SWI5: variants seen among roughly 807,000 people sequenced by gnomAD.
SWI5 encodes SWI5 homologous recombination repair protein.
A neutral mutation model predicts 17.0 loss-of-function variants in SWI5; 12 were observed. That is an observed-to-expected ratio of 0.71 (90% CI 0.45 to 1.14). The LOEUF (loss-of-function observed/expected upper bound fraction) is 1.14. SWI5 is among the 50% of genes most tolerant of loss of function. The probability of loss-of-function intolerance (pLI) is 0.00; values close to 1 mark genes in which losing one functional copy is unlikely to be tolerated. For synonymous variants in SWI5, 61 were observed against 64.0 expected, an observed-to-expected ratio of 0.95 and a Z score of 0.22; for missense variants, 158 against 162.2, an observed-to-expected ratio of 0.97 and a Z score of 0.14.
At chr9:128,276,169 C>A, upstream of SWI5, 1 of 1,577,694 alleles carries the variant, frequency 6.3e-7, no homozygotes, top group Admixed American at 1.9e-5. Flanking sequence ...GCCAGAGGGA[C>A]CTGTGGCGTC....
intron 2 of SWI5, among the ~76,000 whole-genome samples, chr9:128,279,621 C>A (rs1831501782): frequency 6.6e-6 from 1 of 152,214 alleles, no homozygotes; most frequent in Admixed American, 6.5e-5. Flanking sequence ...CTACTATGAA[C>A]TTCAAAGAGA....
At chr9:128,276,306 C>A (rs978957695) in exon 1 of SWI5, 2 of 1,612,902 alleles carry the variant, frequency 1.2e-6, no homozygotes, top group Non-Finnish European at 1.7e-6. Context: ...GTTCCTGGCC[C>A]GGTGCACCTG....
At chr9:128,284,563 C>T (rs1258297031) in exon 3 of SWI5, 3 of 1,613,966 alleles carry the variant, frequency 1.9e-6, no homozygotes. Flanking sequence ...AGTCTCTGCA[C>T]CTTGACATTC....
chr9:128,275,729 T>A (rs1000666890), upstream of SWI5, among the ~76,000 whole-genome samples: 1 of 150,932 alleles, frequency 6.6e-6, no homozygotes, highest in Non-Finnish European at 1.5e-5. Flanking sequence ...GCTGGGCGGC[T>A]GAGGGGGCGG....
intron 4 of SWI5, among the ~76,000 whole-genome samples, chr9:128,287,983 T>C (rs891654563): frequency 6.6e-6 from 1 of 152,160 alleles, no homozygotes; most frequent in African/African-American, 2.4e-5. Flanking sequence ...TGTGGTTTGT[T>C]TTCCTGTTAG....
At chr9:128,279,913 C>T (rs1194745959) in intron 2 of SWI5, among the ~76,000 whole-genome samples, 1 of 152,146 alleles carries the variant, frequency 6.6e-6, no homozygotes, top group African/African-American at 2.4e-5. Context: ...AGAGGGCTCA[C>T]CTCTTGCCTT....
chr9:128,279,655 A>C (rs2416980), intron 2 of SWI5, among the ~76,000 whole-genome samples: 1 of 152,070 alleles, frequency 6.6e-6, no homozygotes, highest in Non-Finnish European at 1.5e-5. Flanking sequence ...GAAGGAACAT[A>C]AAAGTGGACA....
chr9:128,283,070 T>G (rs1473419072), intron 2 of SWI5, among the ~76,000 whole-genome samples: 11 of 151,006 alleles, frequency 7.3e-5, no homozygotes, highest in Admixed American at 7.2e-4. Flanking sequence ...ATCCCAGCAC[T>G]TTGGGAGGCC....
In SWI5 at chr9:128,276,364, C is replaced by T. The variant is rs73672486; in HGVS notation, c.24C>T (p.Asn8=). The T allele has an allele frequency of 1.9e-6, 3 of 1,613,112 alleles. No homozygotes were observed. The South Asian group carries it at 3.3e-5, about 18-fold the overall frequency. ...CGCTGGACCCTCTTGCGCCATTGAA[C>T]CCCCTGATCCGGGGGCCTCGGACCC... Residue 8 remains asparagine, a synonymous_variant, in exon 1 of 5, where the codon AAC becomes AAT. Transcript: ENST00000418976.
rs745802668 is a variant in SWI5, at chr9:128,285,959, T to C, written c.254T>C (p.Leu85Pro). 1 of 1,614,088 alleles carries C rather than the reference T, an allele frequency of 6.2e-7. No homozygotes were observed. Among genetic ancestry groups the C allele is most frequent in the Non-Finnish European group, 8.5e-7 (1 of 1,179,922 alleles). The change falls in exon 4 of 5, where the codon CTG (leucine) becomes CCG (proline). Residue 85 changes from leucine (L) to proline (P), a missense_variant. Transcript: ENST00000418976. This position sits in a 1 kb window ranked among gnomAD's most constrained non-coding sequence, Gnocchi z 4.8. ...CCCAGAGGCTACAGTGTGGATGAACTGGAGGACCACATTACCCAGCTTCAC... is the reference window on the plus strand; with the variant it reads ...CCCAGAGGCTACAGTGTGGATGAACCGGAGGACCACATTACCCAGCTTCAC...
At chr9:128,277,388 C>T (rs1243761156) in intron 2 of SWI5, among the ~76,000 whole-genome samples, 1 of 152,086 alleles carries the variant, frequency 6.6e-6, no homozygotes, top group Admixed American at 6.6e-5. Flanking sequence ...CCTGTCTCTA[C>T]TAAAAATACA....
chr9:128,284,008 T>TG (rs1831588165), intron 2 of SWI5, among the ~76,000 whole-genome samples: 2 of 150,108 alleles, frequency 1.3e-5, no homozygotes, highest in African/African-American at 4.9e-5. Flanking sequence ...AAAAATGTTG[T>TG]GGGGTGGGGC....
At chr9:128,276,299 C>G (rs1564371474) in exon 1 of SWI5, 2 of 1,612,886 alleles carry the variant, frequency 1.2e-6, no homozygotes, top group East Asian at 4.5e-5. Flanking sequence ...GGTCAGAGTT[C>G]CTGGCCCGGT....
intron 2 of SWI5, among the ~76,000 whole-genome samples, chr9:128,281,343 CT>C (rs1254229111): frequency 1.3e-5 from 2 of 151,780 alleles, no homozygotes; most frequent in East Asian, 3.9e-4. Flanking sequence ...GCCAACCATG[CT>C]TTTTTTTCAT....
chr9:128,280,990 G>GAAAA (rs1209973888), intron 2 of SWI5, among the ~76,000 whole-genome samples: 2 of 141,688 alleles, frequency 1.4e-5, no homozygotes, highest in African/African-American at 2.7e-5. Flanking sequence ...TAATGACCAG[G>GAAAA]AAAAAAAGGC....
intron 2 of SWI5, among the ~76,000 whole-genome samples, chr9:128,283,878 T>C (rs1386593982): frequency 5.3e-5 from 8 of 150,938 alleles, no homozygotes; most frequent in Admixed American, 5.3e-4. Flanking sequence ...AATCCAAACA[T>C]TGTTGGAGAC....
upstream of SWI5, chr9:128,275,802 T>TGACAG: frequency 1.4e-6 from 1 of 698,006 alleles, no homozygotes; most frequent in Admixed American, 3.3e-5. Context: ...CAGCCCGGTG[T>TGACAG]GCCTCAGGAG....
At chr9:128,279,325 T>G (rs1349589598) in intron 2 of SWI5, among the ~76,000 whole-genome samples, 1 of 152,108 alleles carries the variant, frequency 6.6e-6, no homozygotes, top group Non-Finnish European at 1.5e-5. Flanking sequence ...AGAAAACCGC[T>G]GGGCCCAGGG....
At chr9:128,280,708 G>A (rs561705882) in intron 2 of SWI5, among the ~76,000 whole-genome samples, 10 of 152,008 alleles carry the variant, frequency 6.6e-5, no homozygotes, top group South Asian at 2.1e-4. Context: ...TAGTAGAGAC[G>A]GGGTTTCACC....
Sources: allele counts gnomAD v4.1 joint callset (sites outside exome capture counted in the v4.1 genomes callset), GRCh38; gene constraint gnomAD v4.1.1; non-coding constraint Gnocchi (gnomAD v3.1); transcripts MANE v1.5; gene names NCBI Gene and HGNC (gene_info 2026-07-23, HGNC 2026-07-21).